GGT1: variants seen among roughly 807,000 people sequenced by gnomAD.
GGT1 encodes the protein glutathione hydrolase 1 proenzyme.
A neutral mutation model predicts 56.0 loss-of-function variants in GGT1; 21 were observed. The observed-to-expected ratio is 0.38, with a 90% CI of 0.27 to 0.54. The LOEUF is 0.54. GGT1 is among the 20% of genes least tolerant of loss of function. The probability of loss-of-function intolerance (pLI) is 0.82; values close to 1 mark genes in which losing one functional copy is unlikely to be tolerated. For missense variants in GGT1, 466 were observed against 787.0 expected, an observed-to-expected ratio of 0.59 and a Z score of 4.88; for synonymous variants, 238 against 342.6, an observed-to-expected ratio of 0.69 and a Z score of 3.37.
At chr22:24,592,519 G>A (rs553123348), upstream of GGT1, 49 of 436,770 alleles carry the variant, frequency 1.1e-4, 2 homozygotes, top group Admixed American at 8.9e-4. Context: ...CATCTTGCCA[G>A]GGCCTGAATT....
At chr22:24,589,176 C>T in the GGT1 span, 6,504 of 1,172,634 alleles carry the variant, frequency 5.5e-3, 23 homozygotes, top group Non-Finnish European at 6.5e-3. Context: ...AGTCTGGGTC[C>T]GGTGGCTGGT....
chr22:24,620,660 C>T lies in GGT1; in HGVS notation c.575+140C>T, dbSNP rs960768143. On this transcript the variant is annotated intron_variant, in intron 8 of 15. Coordinates refer to ENST00000400382, the MANE Select transcript of GGT1 (RefSeq NM_001288833.2). The surrounding 1 kb of genome is among the most constrained non-coding windows in gnomAD (Gnocchi z 5.6). The stretch of plus-strand genomic sequence containing the variant: ...GGGATGAGGAGATACAGACCCTTCC[C>T]ACCACGTGTGGGGACACATTCTGAG... 2 of 1,478,924 alleles carry T rather than the reference C, an allele frequency of 1.4e-6. No homozygotes were observed. Among genetic ancestry groups the T allele is most frequent in the Admixed American group, 5.0e-5 (2 of 39,722 alleles). 91.6% of individuals were successfully genotyped at this position (1,478,924 alleles called of 1,614,324 possible).
At chr22:24,625,581 G>T (rs796705106) in intron 11 of GGT1, among the ~76,000 whole-genome samples, 1 of 148,970 alleles carries the variant, frequency 6.7e-6, no homozygotes, top group African/African-American at 2.5e-5. Flanking sequence ...TCGCTCTGTT[G>T]CCCAGGCTGG....
upstream of GGT1, among the ~76,000 whole-genome samples, chr22:24,590,358 C>A (rs189641977): frequency 6.6e-6 from 1 of 152,260 alleles, no homozygotes; most frequent in African/African-American, 2.4e-5. Context: ...TCTCAAACTC[C>A]TGGGCTCAAG....
At chr22:24,600,512 G>A (rs1005155425), upstream of GGT1, among the ~76,000 whole-genome samples, 1 of 152,204 alleles carries the variant, frequency 6.6e-6, no homozygotes, top group African/African-American at 2.4e-5. Flanking sequence ...AATTCTGAAG[G>A]GCCCACGCAC....
At chr22:24,605,959 T>TATATA (rs2046257553) in intron 1 of GGT1, among the ~76,000 whole-genome samples, 2 of 83,308 alleles carry the variant, frequency 2.4e-5, no homozygotes, top group African/African-American at 9.9e-5. Flanking sequence ...TTATATATAA[T>TATATA]ATATTACATA....
upstream of GGT1, chr22:24,592,133 T>C: frequency 8.1e-6 from 3 of 371,626 alleles, no homozygotes; most frequent in South Asian, 5.7e-5. Context: ...GGGGACGGGG[T>C]GGTGAGGGAA....
At chr22:24,596,263 A>G (rs1196575823) in intron 1 of GGT1, among the ~76,000 whole-genome samples, 6 of 152,240 alleles carry the variant, frequency 3.9e-5, no homozygotes, top group Admixed American at 1.3e-4. Context: ...AAAGCAACAG[A>G]ATAGTTCTGG....
chr22:24,589,526 C>G, the GGT1 span: 1 of 455,914 alleles, frequency 2.2e-6, no homozygotes, highest in South Asian at 3.9e-5. Flanking sequence ...TGACTTCTGC[C>G]CAGCTATAGT....
At chr22:24,616,888 T>C (rs996283429) in intron 7 of GGT1, among the ~76,000 whole-genome samples, 1 of 152,146 alleles carries the variant, frequency 6.6e-6, no homozygotes, top group African/African-American at 2.4e-5. Flanking sequence ...ACTCAGCATT[T>C]GTAGACATGA....
chr22:24,592,822 C>T (rs961333770), upstream of GGT1: 7 of 1,266,052 alleles, frequency 5.5e-6, no homozygotes, highest in South Asian at 1.6e-4. Context: ...CCCAGACCCT[C>T]CCTGGCCGCC....
At chr22:24,616,583 C>T (rs1235409842) in intron 7 of GGT1, among the ~76,000 whole-genome samples, 2 of 142,256 alleles carry the variant, frequency 1.4e-5, no homozygotes, top group Non-Finnish European at 3.0e-5. Flanking sequence ...CCCAGACTGT[C>T]GCCCAGGCTG....
chr22:24,623,454 C>T (rs2047556515), intron 10 of GGT1, among the ~76,000 whole-genome samples, 198 bp downstream of exon 10: 1 of 151,594 alleles, frequency 6.6e-6, no homozygotes, highest in Non-Finnish European at 1.5e-5. Context: ...GCGGGCAATG[C>T]TCAAGGGTTG....
At chr22:24,604,709 C>T (rs1024737971) in intron 1 of GGT1, among the ~76,000 whole-genome samples, 3 of 151,842 alleles carry the variant, frequency 2.0e-5, no homozygotes, top group Non-Finnish European at 2.9e-5. Flanking sequence ...CCTAGGTGCC[C>T]TCTCTGCATT....
intron 1 of GGT1, among the ~76,000 whole-genome samples, chr22:24,604,484 TG>T: frequency 6.6e-6 from 1 of 152,040 alleles, no homozygotes; most frequent in African/African-American, 2.4e-5. Flanking sequence ...GAGGCTCAGT[TG>T]TGTGTGTGCG....
At chr22:24,587,162 G>T in the GGT1 span, among the ~76,000 whole-genome samples, 1 of 152,174 alleles carries the variant, frequency 6.6e-6, no homozygotes, top group South Asian at 2.1e-4. Flanking sequence ...TTTTAGGGTA[G>T]GGAGAAATTC....
At chr22:24,621,605 G>A (rs542654387) in intron 9 of GGT1, among the ~76,000 whole-genome samples, 1 of 151,692 alleles carries the variant, frequency 6.6e-6, no homozygotes, top group Non-Finnish European at 1.5e-5. Context: ...TTAGCGTGTC[G>A]ACCTTTACCA....
chr22:24,589,471 T>C, the GGT1 span: 1 of 690,340 alleles, frequency 1.4e-6, no homozygotes, highest in Non-Finnish European at 1.9e-6. Flanking sequence ...TTTGTTTCCG[T>C]TGGTGGATTT....
chr22:24,615,093 C>T lies in GGT1; in HGVS notation c.348C>T (p.Ala116=). 1.2e-6 allele frequency: 2 copies of T among 1,612,066 alleles called. No homozygotes were observed. The highest frequency in any genetic ancestry group is 2.2e-5 in the East Asian group (1 of 44,872). The change falls in exon 7 of 16, where the codon GCC becomes GCT. Residue 116 remains alanine, a synonymous_variant. Coordinates refer to ENST00000400382, the MANE Select transcript of GGT1 (RefSeq NM_001288833.2). ...AGGTGGCCCCCAGGCTGGCCTTTGC[C>T]ACCATGTTCAACAGCTCGGAGCAGT... The part of the protein sequence containing the change: ...AREVAPRLAF[A]TMFNSSEQSQ...
Sources: gnomAD v4.1 joint callset for allele counts (sites outside exome capture counted in the v4.1 genomes callset) on GRCh38, gnomAD v4.1.1 for gene constraint, Gnocchi (gnomAD v3.1) non-coding constraint, MANE v1.5 for transcripts, NCBI Gene and HGNC (gene_info 2026-07-23, HGNC 2026-07-21) for gene names.